Variants in TRPV6 observed in about 807,000 individuals in gnomAD.
The protein encoded by TRPV6 is transient receptor potential cation channel subfamily V member 6, also known as Alu-binding protein with zinc finger domain.
A neutral mutation model predicts 79.0 loss-of-function variants in TRPV6; 39 were observed. The observed-to-expected ratio is 0.49, with a 90% CI of 0.38 to 0.64. TRPV6 has a LOEUF of 0.64. Among genes scored for constraint, TRPV6 ranks in the 30% least tolerant of loss-of-function variants. The pLI is 0.00. For synonymous variants in TRPV6, 373 were observed against 391.9 expected, an observed-to-expected ratio of 0.95 and a Z score of 0.57; for missense variants, 813 against 1,011.1, an observed-to-expected ratio of 0.80 and a Z score of 2.66.
Position 142,885,473 on chromosome 7 carries a change from A to C in TRPV6, c.164T>G (p.Leu55Arg). Residue 55 changes from leucine to arginine, a missense_variant, in exon 1 of 15, where the codon CTA (leucine) becomes CGA (arginine). By Grantham distance (102) the Leu-to-Arg change is moderately radical. Around this residue, in one of 3 missense-constraint regions of TRPV6, gnomAD observed 555 missense variants for 631.0 expected, o/e 0.88. Coordinates refer to ENST00000359396, the MANE Select transcript of TRPV6 (RefSeq NM_018646.6). ...GAACCATCTGCAGAACTTGCTCCATAGGCAGAGAATTAGCCCTTTCTCCTT... is the reference window on the plus strand; with the variant it reads ...GAACCATCTGCAGAACTTGCTCCATCGGCAGAGAATTAGCCCTTTCTCCTT... 1 of 1,613,874 alleles carries C rather than the reference A, an allele frequency of 6.2e-7. No homozygotes were observed.
chr7:142,872,259 C>A, intron 14 of TRPV6, 113 bp downstream of exon 14: 1 of 1,165,984 alleles, frequency 8.6e-7, no homozygotes, highest in Non-Finnish European at 1.2e-6. Flanking sequence ...AGCATAGAGC[C>A]TAGGGAGCAC....
intron 1 of TRPV6, 128 bp downstream of exon 1, chr7:142,885,261 A>G (rs967619759): frequency 1.7e-6 from 2 of 1,151,884 alleles, no homozygotes; most frequent in Non-Finnish European, 2.4e-6. Context: ...CCAAGGAGCC[A>G]GTCCGGGCCT....
intron 1 of TRPV6, chr7:142,884,321 G>A (rs1224703765): frequency 1.3e-5 from 2 of 152,404 alleles, no homozygotes; most frequent in Admixed American, 6.5e-5. Flanking sequence ...GGGGCCTCCA[G>A]GCAGCCTCCC....
intron 14 of TRPV6, 27 bp downstream of exon 14, chr7:142,872,345 G>T: frequency 6.2e-7 from 1 of 1,611,054 alleles, no homozygotes; most frequent in Non-Finnish European, 8.5e-7. Flanking sequence ...GCTTCTCAGG[G>T]GACACCTACC....
In TRPV6 at chr7:142,876,786, C is replaced by T. The variant is rs768442389; in HGVS notation, c.659G>A (p.Arg220Gln). The change falls in exon 5 of 15, where the codon CGG (arginine) becomes CAG (glutamine). Residue 220 changes from arginine to glutamine, a missense_variant. Physicochemically the swap from Arg to Gln is conservative, Grantham distance 43. Transcript: ENST00000359396. ...GTCAGCTCCATGCTCAATGAGCAGC[C>T]GCACGATCTCCTCACTGTTCACACA... 1.4e-5 allele frequency: 22 copies of T among 1,614,072 alleles called. No individual in the cohort carries two copies. The highest frequency in any genetic ancestry group is 6.7e-5 in the East Asian group (3 of 44,868).
rs1236903451 is a variant in TRPV6 at position 142,871,240 on chromosome 7, G to T, written c.*467C>A. On this transcript the variant is annotated 3_prime_UTR_variant, in exon 15 of 15. Coordinates refer to ENST00000359396, the MANE Select transcript of TRPV6 (RefSeq NM_018646.6). ...CGAAAACGACTTTATTGAAGATGGAGTTGGCAAGACCTAGCCCCACTTCCC... is the reference window on the plus strand; with the variant it reads ...CGAAAACGACTTTATTGAAGATGGATTTGGCAAGACCTAGCCCCACTTCCC... The T allele has an allele frequency of 3.9e-6, 2 of 517,428 alleles. No individual in the cohort carries two copies. The highest frequency in any genetic ancestry group is 6.4e-5 in the Admixed American group (2 of 31,186). The allele number at this position is 517,428 out of a possible 1,614,324, so 32.1% of individuals were successfully genotyped here.
chr7:142,884,659 C>G (rs1171748924), intron 1 of TRPV6: 1 of 152,208 alleles, frequency 6.6e-6, no homozygotes, highest in Admixed American at 6.5e-5. Flanking sequence ...GTCCTTAGGG[C>G]TTAAACGCTA....
chr7:142,885,225 G>A lies in TRPV6; in HGVS notation c.248+164C>T, dbSNP rs920273942. On this transcript the variant is annotated intron_variant, in intron 1 of 14. Transcript: ENST00000359396. ...CCATCCTCTTTCACCAGCCCTACAG[G>A]CTGAGGCTCTTAAGACAGAATGCTC... 3 of 728,680 alleles carry A rather than the reference G, an allele frequency of 4.1e-6. No individual in the cohort carries two copies. The African/African-American group carries it at 5.3e-5, about 13-fold the overall frequency. 45.1% of individuals were successfully genotyped at this position (728,680 alleles called of 1,614,324 possible).
chr7:142,876,568 T>C lies in TRPV6; in HGVS notation c.722A>G (p.His241Arg), dbSNP rs1795077096. 1 of 1,614,084 alleles carries C rather than the reference T, an allele frequency of 6.2e-7. No homozygotes were observed. Residue 241 changes from histidine to arginine, a missense_variant, in exon 6 of 15, where the codon CAC becomes CGC. Physicochemically the swap from His to Arg is conservative, Grantham distance 29 (BLOSUM62 0). Around this residue, in one of 3 missense-constraint regions of TRPV6, gnomAD observed 555 missense variants for 631.0 expected, o/e 0.88. Transcript: ENST00000359396. The stretch of plus-strand genomic sequence containing the variant: ...TTTGTTGGGCTGGAGGATGAGGATG[T>C]GTAACACTGTGTTTCCTGGGGAGGA...
chr7:142,874,548 G>A lies in TRPV6; in HGVS notation c.1515C>T (p.Val505=), dbSNP rs1795012331. 1 of 1,614,042 alleles carries A rather than the reference G, an allele frequency of 6.2e-7. No individual in the cohort carries two copies. The highest frequency in any genetic ancestry group is 1.1e-5 in the South Asian group (1 of 91,072). The change falls in exon 11 of 15, where the codon GTC becomes GTT. Residue 505 remains valine (V), a synonymous_variant. Transcript: ENST00000359396. ...TCTGGAATCCTCGGGCGAAGTACATGACGTTGCACCAGCCCAGCACGAGTG... is the reference window on the plus strand; with the variant it reads ...TCTGGAATCCTCGGGCGAAGTACATAACGTTGCACCAGCCCAGCACGAGTG...
rs775257643 is a variant in TRPV6, at chr7:142,872,438, C to T, written c.1949G>A (p.Arg650His). The change falls in exon 14 of 15, where the codon CGC becomes CAC. Residue 650 changes from arginine to histidine, a missense_variant. This residue lies in a region of TRPV6 where 164 missense variants were observed against 186.1 expected (regional missense o/e 0.88). Coordinates refer to ENST00000359396, the MANE Select transcript of TRPV6 (RefSeq NM_018646.6). ...GATCCCGGAGCGAGGCCACAGGCAG[C>T]GAGGCAGCTTCCGCTCCAGCATCAC... is the stretch of plus-strand genomic sequence containing the variant. 14 of 1,614,168 alleles carry T rather than the reference C, an allele frequency of 8.7e-6. No individual in the cohort carries two copies. The highest frequency in any genetic ancestry group is 1.1e-5 in the Non-Finnish European group (13 of 1,180,026).
rs77506618 is a variant in TRPV6 at position 142,873,981 on chromosome 7, A to G, written c.1639+95T>C. The G allele has an allele frequency of 1.1e-3, 1,531 of 1,397,412 alleles. 16 individuals are homozygous for G. The African/African-American group carries it at 0.019, about 17-fold the overall frequency. 86.6% of individuals were successfully genotyped at this position (1,397,412 alleles called of 1,614,324 possible). A position where few individuals can be genotyped will look rare whatever the true frequency, so the allele number is the denominator to read the frequency against. On this transcript the variant is annotated intron_variant, in intron 12 of 14. Transcript: ENST00000359396. The surrounding 1 kb of genome is among the most constrained non-coding windows in gnomAD (Gnocchi z 4.8). ...ACCATAGGTCTCCTCTGATCTCTGC[A>G]TTACTCCTCCTCCCCAAGTTTAGCC...
chr7:142,880,862 C>T (rs555708721), intron 1 of TRPV6: 4 of 152,064 alleles, frequency 2.6e-5, no homozygotes, highest in South Asian at 2.1e-4. Context: ...GCAGCCTATT[C>T]GTTATCTCAA....
chr7:142,879,978 T>G (rs887768135), intron 1 of TRPV6: 1 of 152,280 alleles, frequency 6.6e-6, no homozygotes, highest in Non-Finnish European at 1.5e-5. Context: ...TTGTTCATTG[T>G]GTCTTCTGCA....
Position 142,873,876 on chromosome 7 carries a change from G to A in TRPV6, c.1640-160C>T. 1 of 1,126,602 alleles carries A rather than the reference G, an allele frequency of 8.9e-7. No homozygotes were observed. Among genetic ancestry groups the A allele is most frequent in the Non-Finnish European group, 1.3e-6 (1 of 787,474 alleles). 69.8% of individuals were successfully genotyped at this position (1,126,602 alleles called of 1,614,324 possible). On this transcript the variant is annotated intron_variant, in intron 12 of 14. Coordinates refer to ENST00000359396, the MANE Select transcript of TRPV6 (RefSeq NM_018646.6). The surrounding 1 kb of genome is among the most constrained non-coding windows in gnomAD (Gnocchi z 4.8). ...TTTTACGGTCCCTAGTTTTGTATGA[G>A]CCTCATCTTGATCCTAAGAGCCACC...
chr7:142,874,061 T>G lies in TRPV6; in HGVS notation c.1639+15A>C. ...TCTTCCCTGCCATGGCCCCTGGTCC[T>G]GGACAGATGATTACCTGAAGCAAAG... On this transcript the variant is annotated intron_variant, in intron 12 of 14. Coordinates refer to ENST00000359396, the MANE Select transcript of TRPV6 (RefSeq NM_018646.6). 1 of 1,612,732 alleles carries G rather than the reference T, an allele frequency of 6.2e-7. No individual in the cohort carries two copies. Among genetic ancestry groups the G allele is most frequent in the Non-Finnish European group, 8.5e-7 (1 of 1,179,382 alleles).
At position 142,877,052 on chromosome 7, in the gene TRPV6, G is replaced by A. The variant is rs4987658; in HGVS notation, c.607+90C>T. 3.6e-3 allele frequency: 5,386 copies of A among 1,503,590 alleles called. 36 individuals are homozygous for A. Among genetic ancestry groups the A allele is most frequent in the African/African-American group, 0.027 (1,939 of 72,564 alleles). The allele number at this position is 1,503,590 out of a possible 1,614,324, so 93.1% of individuals were successfully genotyped here. The stretch of plus-strand genomic sequence containing the variant: ...CTCCTCCCAGCTGCCCAACAGATAC[G>A]GCTGAAGACAGGATCCTCCTCTGCC... On this transcript the variant is annotated intron_variant, in intron 4 of 14. Coordinates refer to ENST00000359396, the MANE Select transcript of TRPV6 (RefSeq NM_018646.6).
At position 142,871,887 on chromosome 7, in the gene TRPV6, T is replaced by G; in HGVS notation, c.2118A>C (p.Lys706Asn). The G allele has an allele frequency of 1.9e-6, 3 of 1,614,066 alleles. No homozygotes were observed. Among genetic ancestry groups the G allele is most frequent in the Non-Finnish European group, 2.5e-6 (3 of 1,180,004 alleles). The change falls in exon 15 of 15, where the codon AAA (lysine) becomes AAC (asparagine). Residue 706 changes from lysine (K) to asparagine (N), a missense_variant. Transcript: ENST00000359396. The stretch of plus-strand genomic sequence containing the variant: ...GGCTGAAGGGACAGCCCAGCTCTAG[T>G]TTTTCCACTGAGTCTTTGTCCAAAT...
rs111318322 is a variant in TRPV6, at chr7:142,877,717, C to T, written c.403G>A (p.Ala135Thr). 4.7e-5 allele frequency: 76 copies of T among 1,614,186 alleles called. No homozygotes were observed. Among genetic ancestry groups the T allele is most frequent in the African/African-American group, 1.2e-4 (9 of 75,040 alleles). ...GGGGCAGCCTCCATCAGCACCATGG[C>T]GGCCTCCAGGTTGTCATAGAGGGCT... Residue 135 changes from alanine (A) to threonine (T), a missense_variant, in exon 3 of 15, where the codon GCC (alanine) becomes ACC (threonine). Physicochemically the swap from Ala to Thr is moderately conservative, Grantham distance 58 (BLOSUM62 0). Around this residue, in one of 3 missense-constraint regions of TRPV6, gnomAD observed 555 missense variants for 631.0 expected, o/e 0.88. Coordinates refer to ENST00000359396, the MANE Select transcript of TRPV6 (RefSeq NM_018646.6).
Sources: gnomAD v4.1 joint callset for allele counts on GRCh38, gnomAD v4.1.1 for gene constraint, gnomAD v4.1.1 regional missense constraint, Gnocchi (gnomAD v3.1) non-coding constraint, MANE v1.5 for transcripts, NCBI Gene and HGNC (gene_info 2026-07-23, HGNC 2026-07-21) for gene names.